The following ABCA12 variants were observed in gnomAD, a reference collection of about 807,000 sequenced individuals.
The protein encoded by ABCA12 is ATP binding cassette subfamily A member 12.
Under a neutral mutation model 293.5 loss-of-function variants are expected in ABCA12, and 156 were observed. That is an observed-to-expected ratio of 0.53 (90% CI 0.47 to 0.61). The LOEUF (loss-of-function observed/expected upper bound fraction) is 0.61, where lower values mean the gene tolerates loss of function less well. Among genes scored for constraint, ABCA12 ranks in the 20% least tolerant of loss-of-function variants. ABCA12 has a pLI of 0.00. For missense variants in ABCA12, 2,797 were observed against 3,090.2 expected, an observed-to-expected ratio of 0.91 and a Z score of 2.25; for synonymous variants, 1,063 against 1,108.0, an observed-to-expected ratio of 0.96 and a Z score of 0.81.
chr2:215,097,928 T>C (rs573328077), intron 2 of ABCA12, among the ~76,000 whole-genome samples: 1 of 152,198 alleles, frequency 6.6e-6, no homozygotes, highest in Non-Finnish European at 1.5e-5. Flanking sequence ...CTGAAAAGAA[T>C]GTAACCTGCA....
intron 2 of ABCA12, among the ~76,000 whole-genome samples, chr2:215,081,067 G>A (rs1204333767): frequency 1.3e-5 from 2 of 152,044 alleles, no homozygotes; most frequent in African/African-American, 4.8e-5. Context: ...TTCTGGCCAG[G>A]AAAGAGAGAA....
chr2:215,011,631 G>A lies in ABCA12; in HGVS notation c.2140C>T (p.Arg714Ter), dbSNP rs763481375. 1.1e-5 allele frequency: 18 copies of A among 1,613,914 alleles called. No homozygotes were observed. The highest frequency in any genetic ancestry group is 1.3e-5 in the Non-Finnish European group (15 of 1,179,900). The part of the protein sequence containing the change: ...PLTQAMYRSN[R>*]MNTPQGSFST... ...AATGATCCTTGTGGTGTGTTCATTCGGTTGCTTCTGTACATTGCCTGTGAG... is the reference window on the plus strand; with the variant it reads ...AATGATCCTTGTGGTGTGTTCATTCAGTTGCTTCTGTACATTGCCTGTGAG... The change falls in exon 17 of 53, where the codon CGA becomes TGA. Residue 714 changes from arginine (R) to a stop codon, truncating the protein, a stop_gained. Coordinates refer to ENST00000272895, the MANE Select transcript of ABCA12 (RefSeq NM_173076.3). LOFTEE classifies it high-confidence loss of function.
chr2:215,112,323 A>G (rs1702588586), intron 1 of ABCA12, among the ~76,000 whole-genome samples: 1 of 148,754 alleles, frequency 6.7e-6, no homozygotes, highest in Non-Finnish European at 1.5e-5. Context: ...TTACACCGTT[A>G]TAGTCAATGA....
chr2:215,103,267 C>T (rs10175115), intron 2 of ABCA12, among the ~76,000 whole-genome samples: 30,078 of 122,376 alleles, frequency 0.25, 6,153 homozygotes, highest in African/African-American at 0.56. Context: ...AAATTTCTTT[C>T]TTTTTTTTTT....
chr2:214,969,367 G>A (rs1466188947), intron 37 of ABCA12, among the ~76,000 whole-genome samples: 1 of 151,998 alleles, frequency 6.6e-6, no homozygotes, highest in Non-Finnish European at 1.5e-5. Flanking sequence ...AATCCAAGTA[G>A]TAATTTTAAG....
rs569088547 is a variant in ABCA12 at position 215,076,746 on chromosome 2, T to C, written c.164-12527A>G. ...CATCAAAAGACCACAGACAAATAGA[T>C]TGTGATATATTTATACATGGAGTAG... On this transcript the variant is annotated intron_variant, in intron 2 of 52. Transcript: ENST00000272895. Among the ~76,000 whole-genome samples the C allele has an allele frequency of 7.2e-5, 11 of 152,270 alleles. No individual in the cohort carries two copies. The South Asian group carries it at 1.7e-3, about 23-fold the overall frequency.
Position 215,049,619 on chromosome 2 carries a change from C to T in ABCA12, c.693+7G>A. 1 of 1,612,586 alleles carries T rather than the reference C, an allele frequency of 6.2e-7. No individual in the cohort carries two copies. Among genetic ancestry groups the T allele is most frequent in the Non-Finnish European group, 8.5e-7 (1 of 1,178,870 alleles). On this transcript the variant is annotated splice_region_variant and intron_variant, in intron 6 of 52. Coordinates refer to ENST00000272895, the MANE Select transcript of ABCA12 (RefSeq NM_173076.3). ...AGTCACTTTGTGGATCAAAGATCTA[C>T]ACTCACCTGGGAGAACTGTTTGTTT...
intron 1 of ABCA12, among the ~76,000 whole-genome samples, chr2:215,121,671 G>A (rs764729569): frequency 2.6e-5 from 4 of 152,080 alleles, no homozygotes; most frequent in Non-Finnish European, 2.9e-5. Context: ...ATGTTGAATT[G>A]TAGCTCCCAT....
chr2:215,130,607 C>T (rs78443818), intron 1 of ABCA12, among the ~76,000 whole-genome samples: 5,210 of 152,142 alleles, frequency 0.034, 148 homozygotes, highest in African/African-American at 0.065. Flanking sequence ...AGTCACTAAC[C>T]AGGCCTAGAA....
chr2:215,010,134 G>T (rs1700339198), intron 18 of ABCA12, among the ~76,000 whole-genome samples, 197 bp downstream of exon 18: 1 of 151,992 alleles, frequency 6.6e-6, no homozygotes, highest in Non-Finnish European at 1.5e-5. Context: ...TCTTCAAAGG[G>T]CTCCCACCCA....
At chr2:214,986,905 G>A (rs1699800274) in intron 27 of ABCA12, among the ~76,000 whole-genome samples, 177 bp from the exon 28 acceptor site, 2 of 152,320 alleles carry the variant, frequency 1.3e-5, no homozygotes, top group South Asian at 2.1e-4. Context: ...GTTGCAGAAT[G>A]AATAAGAGTG....
intron 1 of ABCA12, among the ~76,000 whole-genome samples, chr2:215,123,131 G>A (rs1286081695): frequency 1.3e-5 from 2 of 152,006 alleles, no homozygotes; most frequent in Non-Finnish European, 2.9e-5. Flanking sequence ...TTTTATGGCT[G>A]TGTAGTATTC....
chr2:215,099,180 T>G lies in ABCA12; in HGVS notation c.163+12417A>C, dbSNP rs1181564662. On this transcript the variant is annotated intron_variant, in intron 2 of 52. Transcript: ENST00000272895. ...TTTCTCTGGGGAAAGCCAGCCACTC[T>G]GTCTTGAGGACACTCAAGTAGCTTC... is the stretch of plus-strand genomic sequence containing the variant. 3.3e-5 allele frequency among the ~76,000 whole-genome samples: 5 copies of G among 152,360 alleles called. No homozygotes were observed. The East Asian group carries it at 9.6e-4, about 29-fold the overall frequency.
intron 35 of ABCA12, 29 bp from the exon 36 acceptor site, chr2:214,974,071 G>T: frequency 2.5e-6 from 4 of 1,578,996 alleles, no homozygotes; most frequent in Non-Finnish European, 3.5e-6. Flanking sequence ...TTGCTGTGAG[G>T]TGTGTATGTA....
At chr2:215,113,768 A>C (rs1400505337) in intron 1 of ABCA12, among the ~76,000 whole-genome samples, 1 of 152,220 alleles carries the variant, frequency 6.6e-6, no homozygotes, top group Admixed American at 6.5e-5. Context: ...TTAATGATGA[A>C]TATAGGCAAT....
chr2:215,007,169 C>A lies in ABCA12; in HGVS notation c.2592+558G>T, dbSNP rs539988687. On this transcript the variant is annotated intron_variant, in intron 19 of 52. Coordinates refer to ENST00000272895, the MANE Select transcript of ABCA12 (RefSeq NM_173076.3). Reference sequence around the variant, plus strand: ...GGATTACAGGCGTGAGCTACCGCACCTGGCCTAGAGCACTTTTTCCAATTA... The same window carrying A: ...GGATTACAGGCGTGAGCTACCGCACATGGCCTAGAGCACTTTTTCCAATTA... Among the ~76,000 whole-genome samples the A allele has an allele frequency of 2.6e-5, 4 of 152,288 alleles. No individual in the cohort carries two copies. In the East Asian group the frequency reaches 7.7e-4, roughly 29 times the overall value.
At chr2:215,063,378 A>G (rs1268313216) in intron 3 of ABCA12, among the ~76,000 whole-genome samples, 1 of 151,998 alleles carries the variant, frequency 6.6e-6, no homozygotes, top group African/African-American at 2.4e-5. Context: ...CGCATGGTTG[A>G]TTCAAGATTA....
intron 4 of ABCA12, 83 bp downstream of exon 4, chr2:215,054,490 G>C (rs1488357400): frequency 8.2e-7 from 1 of 1,217,148 alleles, no homozygotes; most frequent in East Asian, 2.4e-5. Flanking sequence ...TGTTTGAAAA[G>C]TTTAAAGTAT....
In ABCA12 at chr2:214,949,107, T is replaced by C. The variant is rs553964971; in HGVS notation, c.6895A>G (p.Ile2299Val). The C allele has an allele frequency of 8.1e-6, 13 of 1,613,788 alleles. No individual in the cohort carries two copies. Among genetic ancestry groups the C allele is most frequent in the East Asian group, 2.2e-5 (1 of 44,836 alleles). ...LGVNGAGKTT[I>V]FKMLTGDIIP... is the part of the protein sequence containing the mutation. ...ATGTCTCCTGTCAGCATCTTGAATA[T>C]AGTGGTCTTTCCTGCTCCATTCACT... The change falls in exon 46 of 53, where the codon ATA (isoleucine) becomes GTA (valine). Residue 2299 changes from isoleucine (I) to valine (V), a missense_variant. Transcript: ENST00000272895.
Sources: allele counts gnomAD v4.1 joint callset (sites outside exome capture counted in the v4.1 genomes callset), GRCh38; gene constraint gnomAD v4.1.1; transcripts MANE v1.5; gene names NCBI Gene and HGNC (gene_info 2026-07-23, HGNC 2026-07-21).